LRP1B: variants seen among roughly 807,000 people sequenced by gnomAD.
LRP1B encodes the protein LDL receptor related protein 1B.
A neutral mutation model predicts 556.6 loss-of-function variants in LRP1B; 217 were observed. The ratio of observed to expected loss-of-function variants is 0.39; its 90% CI spans 0.35 to 0.44. The LOEUF (loss-of-function observed/expected upper bound fraction) is 0.44. LRP1B is among the 20% of genes least tolerant of loss of function. The pLI is 1.00. For missense variants in LRP1B, 5,053 were observed against 5,620.8 expected (o/e 0.90, Z 3.23); for synonymous variants, 2,047 against 1,865.8 (o/e 1.10, Z -2.50).
At chr2:140,892,749 G>A (rs534758997) in intron 23 of LRP1B, among the ~76,000 whole-genome samples, 2 of 151,952 alleles carry the variant, frequency 1.3e-5, no homozygotes, top group Non-Finnish European at 2.9e-5. Context: ...AGAAAGTTAG[G>A]GGCAACTTGA....
At position 141,616,043 on chromosome 2, in the gene LRP1B, G is replaced by A. The variant is rs193113454; in HGVS notation, c.206-135510C>T. ...TCACGCCTGTAATCCCAGCACTTTG[G>A]GAGGCCGAGATGGGCGGACCACGAG... On this transcript the variant is annotated intron_variant, in intron 2 of 90. Transcript: ENST00000389484. Among the ~76,000 whole-genome samples, 502 of 152,244 alleles carry A rather than the reference G, an allele frequency of 3.3e-3. 3 individuals are homozygous for A. Among genetic ancestry groups the A allele is most frequent in the African/African-American group, 0.012 (484 of 41,546 alleles).
At chr2:141,455,988 A>G (rs72989006) in intron 3 of LRP1B, among the ~76,000 whole-genome samples, 1,762 of 152,294 alleles carry the variant, frequency 0.012, 38 homozygotes, top group African/African-American at 0.04. Flanking sequence ...AGGCTCCTCT[A>G]TCCATGGGCT....
intron 6 of LRP1B, among the ~76,000 whole-genome samples, chr2:141,217,515 C>T (rs182431947): frequency 4.7e-4 from 71 of 152,204 alleles, no homozygotes; most frequent in Non-Finnish European, 8.7e-4. Flanking sequence ...ATAAATGGTG[C>T]TGAGAAAACC....
chr2:142,061,740 A>G (rs1307980973), intron 1 of LRP1B, among the ~76,000 whole-genome samples: 1 of 152,012 alleles, frequency 6.6e-6, no homozygotes. Context: ...GTGTTTAGTC[A>G]TATGCATTTA....
At chr2:140,470,618 C>T (rs1235348391) in intron 60 of LRP1B, among the ~76,000 whole-genome samples, 6 of 118,448 alleles carry the variant, frequency 5.1e-5, no homozygotes, top group Middle Eastern at 7.6e-3. Flanking sequence ...GCAGTCTGGC[C>T]TGGGTGAAAG....
chr2:141,174,184 G>A (rs1680634040), intron 7 of LRP1B, among the ~76,000 whole-genome samples: 1 of 152,080 alleles, frequency 6.6e-6, no homozygotes, highest in Non-Finnish European at 1.5e-5. Context: ...AAGATCTTAT[G>A]AAGCATAAAC....
At chr2:141,056,048 C>T (rs1403837486) in intron 9 of LRP1B, among the ~76,000 whole-genome samples, 1 of 151,566 alleles carries the variant, frequency 6.6e-6, no homozygotes, top group Non-Finnish European at 1.5e-5. Flanking sequence ...TTTAGATCAC[C>T]CACTTGTTTG....
At chr2:141,376,499 G>A (rs531576927) in intron 3 of LRP1B, among the ~76,000 whole-genome samples, 2 of 152,056 alleles carry the variant, frequency 1.3e-5, no homozygotes, top group South Asian at 4.2e-4. Context: ...CAAAATGTGA[G>A]CATCTACTTA....
intron 3 of LRP1B, among the ~76,000 whole-genome samples, chr2:141,335,507 A>T (rs1373964212): frequency 6.6e-6 from 1 of 152,240 alleles, no homozygotes; most frequent in Non-Finnish European, 1.5e-5. Context: ...GGAATTTATC[A>T]TTCAAGAACT....
At chr2:140,663,642 G>T (rs1574211158) in intron 41 of LRP1B, among the ~76,000 whole-genome samples, 1 of 152,118 alleles carries the variant, frequency 6.6e-6, no homozygotes, top group African/African-American at 2.4e-5. Context: ...GTCGTGGCTG[G>T]TTTGACCTTC....
At chr2:141,492,062 T>G (rs1683352737) in intron 2 of LRP1B, among the ~76,000 whole-genome samples, 1 of 122,912 alleles carries the variant, frequency 8.1e-6, no homozygotes, top group African/African-American at 3.1e-5. Context: ...TCCTTGAAAG[T>G]CACTATTTAG....
chr2:141,332,693 G>T (rs1687698892), intron 3 of LRP1B, among the ~76,000 whole-genome samples: 1 of 142,734 alleles, frequency 7.0e-6, no homozygotes, highest in Non-Finnish European at 1.5e-5. Context: ...AGGTCACGGT[G>T]GCCTTTTTGT....
chr2:141,393,267 T>G lies in LRP1B; in HGVS notation c.343+87129A>C, dbSNP rs372637152. Among the ~76,000 whole-genome samples the G allele has an allele frequency of 7.9e-5, 12 of 152,080 alleles. No homozygotes were observed. In the East Asian group the frequency reaches 2.1e-3, roughly 27 times the overall value. ...AACACACAACTTTCTGGAAGAGATGTTTAGAAGCAGTTAATGAGGAGCTTA... is the reference window on the plus strand; with the variant it reads ...AACACACAACTTTCTGGAAGAGATGGTTAGAAGCAGTTAATGAGGAGCTTA... On this transcript the variant is annotated intron_variant, in intron 3 of 90. Coordinates refer to ENST00000389484, the MANE Select transcript of LRP1B (RefSeq NM_018557.3).
rs1053203591 is a variant in LRP1B, at chr2:141,841,026, G to C, written c.83-30625C>G. Among the ~76,000 whole-genome samples, 3 of 151,948 alleles carry C rather than the reference G, an allele frequency of 2.0e-5. No individual in the cohort carries two copies. The South Asian group carries it at 6.2e-4, about 31-fold the overall frequency. ...TATTTCTACCAGTTATGAGGTATAT[G>C]GCCTCAGAGTCAATACTTTCTGGAA... On this transcript the variant is annotated intron_variant, in intron 1 of 90. Transcript: ENST00000389484.
intron 79 of LRP1B, among the ~76,000 whole-genome samples, chr2:140,331,017 A>AGAT (rs1267162170): frequency 6.6e-6 from 1 of 152,104 alleles, no homozygotes; most frequent in Admixed American, 6.6e-5. Context: ...TCATACTATT[A>AGAT]GATAGTACTA....
At position 140,449,062 on chromosome 2, in the gene LRP1B, T is replaced by C. The variant is rs1439113382; in HGVS notation, c.10057+1506A>G. On this transcript the variant is annotated intron_variant, in intron 63 of 90. Transcript: ENST00000389484. ...AAACTCCTAATACTAAGTCTGTAGTTAATTTTTCACATCAATATGGTTCCA... is the reference window on the plus strand; with the variant it reads ...AAACTCCTAATACTAAGTCTGTAGTCAATTTTTCACATCAATATGGTTCCA... 2.0e-5 allele frequency among the ~76,000 whole-genome samples: 3 copies of C among 152,074 alleles called. No homozygotes were observed. The East Asian group carries it at 5.8e-4, about 29-fold the overall frequency.
intron 18 of LRP1B, among the ~76,000 whole-genome samples, chr2:140,971,255 A>G (rs907585235): frequency 6.6e-6 from 1 of 152,114 alleles, no homozygotes; most frequent in East Asian, 1.9e-4. Context: ...GACATGGGGA[A>G]GAAGGTCACA....
chr2:141,915,598 C>A (rs904230921), intron 1 of LRP1B, among the ~76,000 whole-genome samples: 1 of 152,022 alleles, frequency 6.6e-6, no homozygotes, highest in African/African-American at 2.4e-5. Flanking sequence ...TCTAATTAAG[C>A]TAAAGAGCTA....
At chr2:140,379,369 G>C (rs1364101061) in intron 67 of LRP1B, among the ~76,000 whole-genome samples, 1 of 152,060 alleles carries the variant, frequency 6.6e-6, no homozygotes, top group Non-Finnish European at 1.5e-5. Context: ...TGATGGTTTG[G>C]TATCATGAGG....
Sources: allele counts gnomAD v4.1 joint callset (sites outside exome capture counted in the v4.1 genomes callset), GRCh38; gene constraint gnomAD v4.1.1; transcripts MANE v1.5; gene names NCBI Gene and HGNC (gene_info 2026-07-23, HGNC 2026-07-21).